Variants in SEMA4D observed in about 807,000 individuals in gnomAD.
SEMA4D encodes semaphorin 4D, also known as semaphorin-4D.
A neutral mutation model predicts 74.8 loss-of-function variants in SEMA4D; 22 were observed. The ratio of observed to expected loss-of-function variants is 0.29; its 90% CI spans 0.21 to 0.42. The LOEUF (loss-of-function observed/expected upper bound fraction) is 0.42. Among genes scored for constraint, SEMA4D ranks in the 10% least tolerant of loss-of-function variants. SEMA4D has a pLI of 1.00. For synonymous variants in SEMA4D, 445 were observed against 463.7 expected (o/e 0.96, Z 0.52); for missense variants, 937 against 1,118.4 (o/e 0.84, Z 2.31).
At chr9:89,430,620 G>A (rs1297425810) in intron 2 of SEMA4D, among the ~76,000 whole-genome samples, 2 of 152,194 alleles carry the variant, frequency 1.3e-5, no homozygotes, top group African/African-American at 4.8e-5. Flanking sequence ...TCAGAGAGAT[G>A]CCCTGCCCAG....
chr9:89,426,369 A>C (rs1848110071), intron 2 of SEMA4D, among the ~76,000 whole-genome samples: 1 of 152,208 alleles, frequency 6.6e-6, no homozygotes, highest in African/African-American at 2.4e-5. Context: ...ACAAAGTTAG[A>C]CCACCATGAC....
chr9:89,443,377 C>A (rs551520380), intron 2 of SEMA4D, among the ~76,000 whole-genome samples: 1 of 152,242 alleles, frequency 6.6e-6, no homozygotes, highest in African/African-American at 2.4e-5. Context: ...CACCTTCCCA[C>A]GGGGCCTGGC....
At chr9:89,423,229 T>C (rs7849438) in intron 2 of SEMA4D, among the ~76,000 whole-genome samples, 40,435 of 151,650 alleles carry the variant, frequency 0.27, 5,735 homozygotes, top group Middle Eastern at 0.4. Flanking sequence ...TTCACTCTTG[T>C]TGCCCAGGCT....
intron 13 of SEMA4D, chr9:89,384,756 G>C (rs1428022054): frequency 2.0e-6 from 2 of 985,294 alleles, no homozygotes; most frequent in African/African-American, 1.7e-5. Context: ...GGAGGGCGTG[G>C]TACTGGCCGT....
chr9:89,480,968 C>G (rs755894195), intron 1 of SEMA4D, among the ~76,000 whole-genome samples: 1 of 152,228 alleles, frequency 6.6e-6, no homozygotes, highest in African/African-American at 2.4e-5. Flanking sequence ...ACTGCTAGCA[C>G]GCTGTCACCT....
At position 89,405,530 on chromosome 9, in the gene SEMA4D, C is replaced by A. The variant is rs1843150519; in HGVS notation, c.-74G>T. 7 of 1,584,366 alleles carry A rather than the reference C, an allele frequency of 4.4e-6. No individual in the cohort carries two copies. The Admixed American group carries it at 1.2e-4, about 27-fold the overall frequency. ...AGGTGGCCGGGCAGGTGTGCTATTG[C>A]AGATGCGGCTCAGCGCCCCAGGACC... On this transcript the variant is annotated 5_prime_UTR_variant, in exon 3 of 16. Transcript: ENST00000422704.
exon 18 of SEMA4D, chr9:89,363,516 G>C (rs1315651063): frequency 6.2e-7 from 1 of 1,613,928 alleles, no homozygotes; most frequent in African/African-American, 1.3e-5. Flanking sequence ...CACCTCTCCT[G>C]GTGGGTCACT....
chr9:89,483,133 T>G (rs1278675107), intron 1 of SEMA4D, among the ~76,000 whole-genome samples: 1 of 152,212 alleles, frequency 6.6e-6, no homozygotes, highest in Non-Finnish European at 1.5e-5. Context: ...TGGAAGGAAC[T>G]GGAACATGAG....
At chr9:89,453,625 G>A (rs989713867) in intron 2 of SEMA4D, among the ~76,000 whole-genome samples, 6 of 152,238 alleles carry the variant, frequency 3.9e-5, no homozygotes, top group African/African-American at 1.2e-4. Flanking sequence ...ATCTGGTCGC[G>A]GCCCTCGCTG....
At chr9:89,453,351 G>A (rs1212539570) in intron 2 of SEMA4D, among the ~76,000 whole-genome samples, 1 of 152,264 alleles carries the variant, frequency 6.6e-6, no homozygotes, top group Non-Finnish European at 1.5e-5. Context: ...GCACATGCAA[G>A]TGTAAGAGTT....
chr9:89,388,637 G>A lies in SEMA4D; in HGVS notation c.1106C>T (p.Ala369Val), dbSNP rs761792824. The change falls in exon 11 of 16, where the codon GCG becomes GTG. Residue 369 changes from alanine to valine, a missense_variant and splice_region_variant. By Grantham distance (64) the Ala-to-Val change is moderately conservative (BLOSUM62 0). Transcript: ENST00000422704. ...CCCGCCCCCAGTGCCCCAGCTCACCGCTCCAGGCCGCGGCTTGGGTACCGG... is the reference window on the plus strand; with the variant it reads ...CCCGCCCCCAGTGCCCCAGCTCACCACTCCAGGCCGCGGCTTGGGTACCGG... Reference protein sequence around the residue: ...NGPVPKPRPGACIDSEARAAN... With the variant: ...NGPVPKPRPGVCIDSEARAAN... The A allele has an allele frequency of 2.8e-5, 45 of 1,596,928 alleles. 1 individual carries two copies. In the African/African-American group the frequency reaches 3.0e-4, roughly 10 times the overall value.
chr9:89,439,229 C>T (rs1329123122), intron 2 of SEMA4D, among the ~76,000 whole-genome samples: 2 of 152,160 alleles, frequency 1.3e-5, no homozygotes, highest in Admixed American at 6.5e-5. Flanking sequence ...ATCCGCCCAC[C>T]TTGGCTTCCC....
At chr9:89,414,679 AAC>A (rs1030471349) in intron 2 of SEMA4D, among the ~76,000 whole-genome samples, 2 of 152,146 alleles carry the variant, frequency 1.3e-5, no homozygotes, top group African/African-American at 2.4e-5. Flanking sequence ...AAGCATAATA[AAC>A]AGTTTATTGT....
intron 16 of SEMA4D, among the ~76,000 whole-genome samples, chr9:89,371,413 TG>T (rs1234577434): frequency 2.2e-5 from 2 of 88,898 alleles, no homozygotes; most frequent in Non-Finnish European, 2.2e-5. Context: ...GTCTGGGGTG[TG>T]GTGTGTGTCT....
chr9:89,403,676 A>AT (rs1037575489), intron 3 of SEMA4D, among the ~76,000 whole-genome samples: 1 of 152,146 alleles, frequency 6.6e-6, no homozygotes, highest in Non-Finnish European at 1.5e-5. Context: ...TATCAGCATT[A>AT]TTTTTTTTAG....
intron 2 of SEMA4D, among the ~76,000 whole-genome samples, chr9:89,421,545 A>G (rs564628624): frequency 1.3e-5 from 2 of 152,356 alleles, no homozygotes; most frequent in African/African-American, 4.8e-5. Flanking sequence ...AGGCTATTCA[A>G]TAGGTAAACT....
At chr9:89,481,878 C>T (rs1824734577) in intron 1 of SEMA4D, among the ~76,000 whole-genome samples, 1 of 152,244 alleles carries the variant, frequency 6.6e-6, no homozygotes, top group African/African-American at 2.4e-5. Flanking sequence ...GGGCCGCACA[C>T]TGAGGCTAGG....
intron 16 of SEMA4D, among the ~76,000 whole-genome samples, chr9:89,371,729 T>G (rs1345369864): frequency 1.4e-5 from 1 of 69,568 alleles, no homozygotes. Flanking sequence ...GGTGTGTGTC[T>G]GGGGTGTGGT....
chr9:89,363,269 C>T (rs998189899), intron 18 of SEMA4D, among the ~76,000 whole-genome samples: 3 of 151,972 alleles, frequency 2.0e-5, no homozygotes, highest in African/African-American at 7.2e-5. Flanking sequence ...GTGGGATTTC[C>T]CCCCCCAGTG....
Sources: allele counts gnomAD v4.1 joint callset (sites outside exome capture counted in the v4.1 genomes callset), GRCh38; gene constraint gnomAD v4.1.1; transcripts MANE v1.5; gene names NCBI Gene and HGNC (gene_info 2026-07-23, HGNC 2026-07-21).